BBOX1: variants seen among roughly 807,000 people sequenced by gnomAD.
BBOX1 encodes the protein gamma-butyrobetaine hydroxylase 1, also known as gamma-butyrobetaine dioxygenase.
Under a neutral mutation model 41.6 loss-of-function variants are expected in BBOX1, and 35 were observed. That is an observed-to-expected ratio of 0.84 (90% CI 0.64 to 1.11). The LOEUF (loss-of-function observed/expected upper bound fraction) is 1.11. BBOX1 is among the 50% of genes most tolerant of loss of function. The pLI, the probability that BBOX1 is intolerant of heterozygous loss-of-function variation, is 0.00. For synonymous variants in BBOX1, 163 were observed against 154.7 expected (o/e 1.05, Z -0.40); for missense variants, 458 against 460.6 (o/e 0.99, Z 0.05).
intron 4 of BBOX1, among the ~76,000 whole-genome samples, chr11:27,060,753 T>A (rs1457317609): frequency 6.6e-6 from 1 of 152,208 alleles, no homozygotes; most frequent in Non-Finnish European, 1.5e-5. Flanking sequence ...AGACCAGCCA[T>A]GTCAAGAATT....
intron 2 of BBOX1, among the ~76,000 whole-genome samples, chr11:27,044,910 G>A (rs971597670): frequency 1.1e-4 from 16 of 152,180 alleles, no homozygotes; most frequent in African/African-American, 3.9e-4. Context: ...TTGGCTATGT[G>A]GGCTCTTTTT....
At chr11:27,089,340 A>G (rs538107917) in intron 4 of BBOX1, among the ~76,000 whole-genome samples, 1 of 152,050 alleles carries the variant, frequency 6.6e-6, no homozygotes, top group Non-Finnish European at 1.5e-5. Context: ...GGACAGTACT[A>G]TAGTCTGTAC....
intron 2 of BBOX1, 172 bp from the exon 3 acceptor site, chr11:27,055,221 T>C: frequency 2.0e-6 from 1 of 495,854 alleles, no homozygotes; most frequent in East Asian, 3.0e-5. Context: ...CTGCTTACAG[T>C]ATGTGAAATA....
intron 5 of BBOX1, among the ~76,000 whole-genome samples, chr11:27,109,817 C>G (rs1209183846): frequency 6.6e-6 from 1 of 151,820 alleles, no homozygotes; most frequent in Non-Finnish European, 1.5e-5. Context: ...TGGGGGAATA[C>G]CAGAGGCAGG....
intron 4 of BBOX1, among the ~76,000 whole-genome samples, chr11:27,090,231 C>T (rs555981400): frequency 7.5e-4 from 114 of 151,980 alleles, no homozygotes; most frequent in Non-Finnish European, 1.3e-3. Context: ...AATATTTCAA[C>T]GTAGGTTCTT....
At chr11:27,063,567 A>G (rs1307682193) in intron 4 of BBOX1, among the ~76,000 whole-genome samples, 1 of 152,084 alleles carries the variant, frequency 6.6e-6, no homozygotes, top group Non-Finnish European at 1.5e-5. Context: ...GAGATTTAAA[A>G]AGCTATAACT....
chr11:27,103,038 A>C (rs1858720593), intron 5 of BBOX1, among the ~76,000 whole-genome samples: 3 of 151,986 alleles, frequency 2.0e-5, no homozygotes, highest in Non-Finnish European at 4.4e-5. Context: ...AAAATACAAA[A>C]AAATAGCTGA....
chr11:27,041,005 G>A lies in BBOX1; in HGVS notation c.-325G>A, dbSNP rs568556114. 1 of 152,206 alleles carries A rather than the reference G, an allele frequency of 6.6e-6. No individual in the cohort carries two copies. The highest frequency in any genetic ancestry group is 6.5e-5 in the Admixed American group (1 of 15,294). 9.4% of individuals were successfully genotyped at this position (152,206 alleles called of 1,614,324 possible). A position where few individuals can be genotyped will look rare whatever the true frequency, so the allele number is the denominator to read the frequency against. ...TCACTTGCTGCTGTTGCCACTGCTGGTACAGAAATAGAAGGTAAGACAGGT... is the reference window on the plus strand; with the variant it reads ...TCACTTGCTGCTGTTGCCACTGCTGATACAGAAATAGAAGGTAAGACAGGT... On this transcript the variant is annotated 5_prime_UTR_variant, in exon 1 of 9. Transcript: ENST00000263182.
chr11:27,075,739 C>T (rs1857610787), intron 4 of BBOX1, among the ~76,000 whole-genome samples: 1 of 152,176 alleles, frequency 6.6e-6, no homozygotes, highest in South Asian at 2.1e-4. Flanking sequence ...TCAGGCAAGC[C>T]TGAACCCAGA....
intron 4 of BBOX1, among the ~76,000 whole-genome samples, chr11:27,065,113 T>G (rs527439115): frequency 7.9e-5 from 12 of 152,234 alleles, no homozygotes; most frequent in African/African-American, 2.6e-4. Flanking sequence ...ATTAAATATC[T>G]CTCAAAGACA....
intron 5 of BBOX1, 53 bp downstream of exon 5, chr11:27,093,419 T>C: frequency 1.9e-6 from 3 of 1,569,674 alleles, no homozygotes; most frequent in Non-Finnish European, 2.6e-6. Context: ...TTTGAAATAG[T>C]TCCCAACTGA....
At chr11:27,107,654 C>T (rs560947341) in intron 5 of BBOX1, among the ~76,000 whole-genome samples, 1 of 151,966 alleles carries the variant, frequency 6.6e-6, no homozygotes, top group Non-Finnish European at 1.5e-5. Context: ...TGTAAGTACA[C>T]CTTCATCTCA....
chr11:27,055,388 C>A lies in BBOX1; in HGVS notation c.-38-5C>A. The A allele has an allele frequency of 1.9e-6, 3 of 1,586,144 alleles. No individual in the cohort carries two copies. In the South Asian group the frequency reaches 3.3e-5, roughly 18 times the overall value. On this transcript the variant is annotated splice_region_variant and splice_polypyrimidine_tract_variant and intron_variant, in intron 2 of 8. Transcript: ENST00000263182. Reference sequence around the variant, plus strand: ...GAGATTCCTTTTAACACTGATTTGTCATAGCAGGTAGCTGACAGCATCTAC... The same window carrying A: ...GAGATTCCTTTTAACACTGATTTGTAATAGCAGGTAGCTGACAGCATCTAC...
chr11:27,085,567 C>CTA (rs1858009570), intron 4 of BBOX1, among the ~76,000 whole-genome samples: 1 of 151,538 alleles, frequency 6.6e-6, no homozygotes, highest in Admixed American at 6.6e-5. Flanking sequence ...CTCTCTCTCT[C>CTA]TCTCTCTCTC....
chr11:27,082,588 A>G (rs1857884764), intron 4 of BBOX1, among the ~76,000 whole-genome samples: 1 of 152,268 alleles, frequency 6.6e-6, no homozygotes, highest in East Asian at 1.9e-4. Flanking sequence ...TAAATCTGAC[A>G]CATATTGTCT....
At position 27,127,203 on chromosome 11, in the gene BBOX1, G is replaced by C. The variant is rs1859697143; in HGVS notation, c.1004-90G>C. The stretch of plus-strand genomic sequence containing the variant: ...AGCGATGATTCTTGATGTGAACCAA[G>C]CAGCAGCTGTGTTTTGCATGTTACA... On this transcript the variant is annotated intron_variant, in intron 8 of 8. Transcript: ENST00000263182. 5 of 1,345,500 alleles carry C rather than the reference G, an allele frequency of 3.7e-6. No homozygotes were observed. The East Asian group carries it at 1.2e-4, about 32-fold the overall frequency. The allele number at this position is 1,345,500 out of a possible 1,614,324, so 83.3% of individuals were successfully genotyped here.
chr11:27,106,102 G>A (rs1254322666), intron 5 of BBOX1, among the ~76,000 whole-genome samples: 2 of 152,052 alleles, frequency 1.3e-5, no homozygotes, highest in African/African-American at 2.4e-5. Context: ...CACTAAACAT[G>A]GAAAGGAACA....
At chr11:27,058,364 C>T (rs1403083711) in intron 4 of BBOX1, among the ~76,000 whole-genome samples, 1 of 152,150 alleles carries the variant, frequency 6.6e-6, no homozygotes, top group East Asian at 1.9e-4. Flanking sequence ...CAGGTATTTC[C>T]TTATAATGAT....
intron 2 of BBOX1, among the ~76,000 whole-genome samples, chr11:27,048,441 CT>C (rs1353432380): frequency 6.6e-6 from 1 of 150,456 alleles, no homozygotes; most frequent in Admixed American, 6.7e-5. Flanking sequence ...AATTTACCTT[CT>C]TTTTTAAGGT....
Sources: allele counts gnomAD v4.1 joint callset (sites outside exome capture counted in the v4.1 genomes callset), GRCh38; gene constraint gnomAD v4.1.1; transcripts MANE v1.5; gene names NCBI Gene and HGNC (gene_info 2026-07-23, HGNC 2026-07-21).